Variants in FAM20C observed in about 807,000 individuals in gnomAD.
FAM20C encodes FAM20C golgi associated secretory pathway kinase.
FAM20C carries 40 observed loss-of-function variants against 51.5 expected under a neutral mutation model. The ratio of observed to expected loss-of-function variants is 0.78; its 90% CI spans 0.60 to 1.01. The LOEUF is 1.01. FAM20C is among the 50% of genes least tolerant of loss of function. The pLI, the probability that FAM20C is intolerant of heterozygous loss-of-function variation, is 0.00. For missense variants in FAM20C, 861 were observed against 844.7 expected (o/e 1.02, Z -0.24); for synonymous variants, 406 against 380.6 (o/e 1.07, Z -0.78).
intron 3 of FAM20C, among the ~76,000 whole-genome samples, chr7:214,143 T>C (rs570355552): frequency 2.6e-5 from 4 of 152,222 alleles, no homozygotes; most frequent in South Asian, 2.1e-4. Flanking sequence ...CTGACCCACA[T>C]GGTGAAACCC....
In FAM20C at chr7:202,983, T is replaced by C. The variant is rs951819145; in HGVS notation, c.785-5915T>C. On this transcript the variant is annotated intron_variant, in intron 2 of 9. Transcript: ENST00000313766. ...GCCCACTGGGGTTTGATTGTGCTGT[T>C]GGTTTCATGATGGCCTGGATTTCAG... 2.6e-5 allele frequency among the ~76,000 whole-genome samples: 4 copies of C among 152,324 alleles called. No homozygotes were observed. The South Asian group carries it at 6.2e-4, about 24-fold the overall frequency.
chr7:209,058 C>T lies in FAM20C; in HGVS notation c.863+82C>T, dbSNP rs182165753. On this transcript the variant is annotated intron_variant, in intron 3 of 9. Transcript: ENST00000313766. Reference sequence around the variant, plus strand: ...GCGCCGGGCTTCTGCTGGGGATGGCCGTGTCTCCTCCCAGGGTGTTTTGGG... The same window carrying T: ...GCGCCGGGCTTCTGCTGGGGATGGCTGTGTCTCCTCCCAGGGTGTTTTGGG... 9.4e-3 allele frequency: 12,952 copies of T among 1,374,594 alleles called. 93 individuals are homozygous for T. The highest frequency in any genetic ancestry group is 0.012 in the Non-Finnish European group (11,741 of 992,026). The allele number at this position is 1,374,594 out of a possible 1,614,324, so 85.1% of individuals were successfully genotyped here. A position where few individuals can be genotyped will look rare whatever the true frequency, so the allele number is the denominator to read the frequency against.
intron 3 of FAM20C, among the ~76,000 whole-genome samples, chr7:245,700 C>A (rs1434781665): frequency 6.6e-6 from 1 of 152,234 alleles, no homozygotes; most frequent in Non-Finnish European, 1.5e-5. Context: ...TTGCGTGGAC[C>A]GGCACCTCAC....
chr7:208,679 A>G (rs543587340), intron 2 of FAM20C, among the ~76,000 whole-genome samples: 1 of 151,568 alleles, frequency 6.6e-6, no homozygotes, highest in East Asian at 1.9e-4. Context: ...TGTGGTCAGC[A>G]TGGAGAGATC....
intron 3 of FAM20C, among the ~76,000 whole-genome samples, chr7:233,491 C>T (rs969816991): frequency 1.3e-5 from 2 of 152,326 alleles, no homozygotes; most frequent in Non-Finnish European, 2.9e-5. Context: ...ATCCTCTTCC[C>T]AGCCCAGAGT....
chr7:196,506 C>G (rs960180017), intron 2 of FAM20C, among the ~76,000 whole-genome samples: 3 of 152,166 alleles, frequency 2.0e-5, no homozygotes, highest in Non-Finnish European at 4.4e-5. Context: ...AGCAGCTGCT[C>G]CCCGGGGATT....
At chr7:244,670 C>T (rs1016095259) in intron 3 of FAM20C, among the ~76,000 whole-genome samples, 1 of 152,232 alleles carries the variant, frequency 6.6e-6, no homozygotes, top group Non-Finnish European at 1.5e-5. Flanking sequence ...ATAGCAATGG[C>T]CACAGACCCA....
At chr7:219,481 G>A (rs116173189) in intron 3 of FAM20C, among the ~76,000 whole-genome samples, 2,036 of 151,832 alleles carry the variant, frequency 0.013, 54 homozygotes, top group African/African-American at 0.047. Flanking sequence ...GGCGGGGTCT[G>A]AGGGAGGCGC....
rs537590784 is a variant in FAM20C at position 253,207 on chromosome 7, C to T, written c.1073-2642C>T. On this transcript the variant is annotated intron_variant, in intron 5 of 9. Transcript: ENST00000313766. ...AGCCGCTGCCCTAAGTAACAGTGTCCGCCGGGCCCGCAGCTGTCCAGGGCA... is the reference window on the plus strand; with the variant it reads ...AGCCGCTGCCCTAAGTAACAGTGTCTGCCGGGCCCGCAGCTGTCCAGGGCA... 4.6e-5 allele frequency among the ~76,000 whole-genome samples: 7 copies of T among 152,282 alleles called. No homozygotes were observed. The South Asian group carries it at 6.2e-4, about 14-fold the overall frequency.
rs536885808 is a variant in FAM20C at position 203,235 on chromosome 7, G to A, written c.785-5663G>A. On this transcript the variant is annotated intron_variant, in intron 2 of 9. Coordinates refer to ENST00000313766, the MANE Select transcript of FAM20C (RefSeq NM_020223.4). ...CTGACCCCTGTCCACTGGAGGCACG[G>A]GAGGCTGCATCTGGGAGGGCGTCTC... 8.5e-5 allele frequency among the ~76,000 whole-genome samples: 13 copies of A among 152,382 alleles called. No homozygotes were observed. The East Asian group carries it at 2.3e-3, about 27-fold the overall frequency.
intron 3 of FAM20C, among the ~76,000 whole-genome samples, chr7:219,329 A>AGGACACCCAGCCCAGGACAG (rs1165943156): frequency 1.3e-5 from 2 of 149,946 alleles, no homozygotes; most frequent in African/African-American, 2.5e-5. Context: ...TGAAAAGTGA[A>AGGACACCCAGCCCAGGACAG]GGACACCCAG....
At chr7:259,114 G>A (rs529989077) in intron 9 of FAM20C, among the ~76,000 whole-genome samples, 186 of 152,346 alleles carry the variant, frequency 1.2e-3, no homozygotes, top group African/African-American at 4.2e-3. Context: ...GGCTTGCAGG[G>A]CAAACGCTTT....
chr7:228,783 G>T (rs79852140), intron 3 of FAM20C: 5 of 456,116 alleles, frequency 1.1e-5, no homozygotes, highest in Non-Finnish European at 1.8e-5. Context: ...CGACTCTCAC[G>T]GCTCCTGCTG....
rs570988860 is a variant in FAM20C, at chr7:256,744, G to A, written c.1344G>A (p.Thr448=). The change falls in exon 7 of 10, where the codon ACG becomes ACA. Residue 448 remains threonine (T), a synonymous_variant. Transcript: ENST00000313766. The part of the protein sequence containing the change: ...SHRILDVMDM[T]IFDFLMGNMD... ...GCATCCTGGACGTCATGGACATGAC[G>A]ATCTTCGACTTCCTCATGGGTACGT... The A allele has an allele frequency of 3.1e-5, 48 of 1,536,136 alleles. No homozygotes were observed. The Admixed American group carries it at 6.7e-4, about 21-fold the overall frequency.
At chr7:253,261 G>A (rs1276468710) in intron 5 of FAM20C, among the ~76,000 whole-genome samples, 7 of 152,192 alleles carry the variant, frequency 4.6e-5, no homozygotes, top group Admixed American at 6.5e-5. Context: ...GATGGCAGAC[G>A]TCCGCCTTGC....
chr7:228,292 C>T (rs1787521938), intron 3 of FAM20C: 4 of 367,292 alleles, frequency 1.1e-5, no homozygotes, highest in Non-Finnish European at 1.1e-5. Flanking sequence ...GCTGCCTGTC[C>T]CCATGGGTTC....
chr7:193,898 A>T, intron 1 of FAM20C, 94 bp downstream of exon 1: 2 of 1,426,726 alleles, frequency 1.4e-6, no homozygotes, highest in Non-Finnish European at 1.8e-6. Context: ...GCCGCCCCCC[A>T]TGGAAGAGGC....
intron 2 of FAM20C, among the ~76,000 whole-genome samples, chr7:201,054 T>G (rs1786106075): frequency 6.6e-6 from 1 of 152,100 alleles, no homozygotes; most frequent in African/African-American, 2.4e-5. Flanking sequence ...GGCTTGGAGA[T>G]GTGTGCGGTG....
intron 2 of FAM20C, among the ~76,000 whole-genome samples, chr7:205,862 G>A (rs945931768): frequency 6.6e-6 from 1 of 152,034 alleles, no homozygotes; most frequent in African/African-American, 2.4e-5. Context: ...CTGTCCTCAC[G>A]CTGACCCTCC....
Sources: allele counts gnomAD v4.1 joint callset (sites outside exome capture counted in the v4.1 genomes callset), GRCh38; gene constraint gnomAD v4.1.1; transcripts MANE v1.5; gene names NCBI Gene and HGNC (gene_info 2026-07-23, HGNC 2026-07-21).